Variants in NAALADL2 observed in about 807,000 individuals in gnomAD.
NAALADL2 encodes inactive N-acetylated-alpha-linked acidic dipeptidase-like protein 2.
Under a neutral mutation model 87.2 loss-of-function variants are expected in NAALADL2, and 76 were observed. That is an observed-to-expected ratio of 0.87 (90% CI 0.72 to 1.05). The LOEUF (loss-of-function observed/expected upper bound fraction) is 1.05, where lower values mean the gene tolerates loss of function less well. NAALADL2 is among the 50% of genes least tolerant of loss of function. NAALADL2 has a pLI of 0.00. For missense variants in NAALADL2, 1,089 were observed against 945.8 expected, an observed-to-expected ratio of 1.15 and a Z score of -1.99; for synonymous variants, 354 against 331.0, an observed-to-expected ratio of 1.07 and a Z score of -0.75.
chr3:175,729,574 A>G (rs1054016944), intron 11 of NAALADL2, among the ~76,000 whole-genome samples: 1 of 152,170 alleles, frequency 6.6e-6, no homozygotes, highest in Non-Finnish European at 1.5e-5. Context: ...GCAAACACCA[A>G]TCGGTAACCA....
intron 11 of NAALADL2, 44 bp downstream of exon 11, chr3:175,627,430 C>T (rs926912055): frequency 8.6e-6 from 11 of 1,271,988 alleles, no homozygotes; most frequent in East Asian, 5.1e-5. Context: ...AATATTTGTT[C>T]TTCTTTATTG....
rs150616066 is a variant in NAALADL2, at chr3:174,670,581, A to G, written c.-114-67060A>G. On this transcript the variant is annotated intron_variant, in intron 2 of 3. Coordinates refer to the NAALADL2 transcript ENST00000434257. ...TTGAAAGTCCTCTTTGGTAAGCTCAAGAGGCAAGACAATATTTCTATTTAA... is the reference window on the plus strand; with the variant it reads ...TTGAAAGTCCTCTTTGGTAAGCTCAGGAGGCAAGACAATATTTCTATTTAA... Among the ~76,000 whole-genome samples the G allele has an allele frequency of 3.0e-3, 451 of 152,254 alleles. 2 individuals are homozygous for G. Among genetic ancestry groups the G allele is most frequent in the African/African-American group, 0.01 (433 of 41,564 alleles).
At chr3:175,473,706 C>G (rs1725239044) in intron 9 of NAALADL2, among the ~76,000 whole-genome samples, 1 of 151,674 alleles carries the variant, frequency 6.6e-6, no homozygotes, top group Non-Finnish European at 1.5e-5. Context: ...GAAAACAAAA[C>G]TTTACAGTAA....
intron 3 of NAALADL2, among the ~76,000 whole-genome samples, chr3:174,825,475 T>C (rs954192292): frequency 1.3e-5 from 2 of 152,232 alleles, no homozygotes; most frequent in African/African-American, 4.8e-5. Flanking sequence ...GGATGGAATG[T>C]ATGATTCCTG....
At chr3:174,948,554 AT>A (rs1170508857) in intron 1 of NAALADL2, among the ~76,000 whole-genome samples, 2 of 152,158 alleles carry the variant, frequency 1.3e-5, no homozygotes, top group Admixed American at 1.3e-4. Context: ...TATTGTGACT[AT>A]TACTACTTAA....
chr3:175,403,663 T>C (rs1237878884), intron 5 of NAALADL2, among the ~76,000 whole-genome samples: 2 of 152,176 alleles, frequency 1.3e-5, no homozygotes, highest in Admixed American at 6.6e-5. Flanking sequence ...AAGAAATGTC[T>C]ACTCAAATCA....
intron 4 of NAALADL2, among the ~76,000 whole-genome samples, chr3:175,258,312 C>T (rs56208623): frequency 0.31 from 29,656 of 95,580 alleles, 4,110 homozygotes; most frequent in East Asian, 0.42. Flanking sequence ...TCCGTCCCTC[C>T]GCCCCCACCA....
At chr3:175,297,164 G>T (rs1756491183) in intron 4 of NAALADL2, among the ~76,000 whole-genome samples, 1 of 152,156 alleles carries the variant, frequency 6.6e-6, no homozygotes, top group Admixed American at 6.6e-5. Flanking sequence ...CTTATAGCCT[G>T]CAAGGCCTAA....
chr3:174,824,087 A>G (rs1279236594), intron 3 of NAALADL2, among the ~76,000 whole-genome samples: 1 of 152,174 alleles, frequency 6.6e-6, no homozygotes, highest in East Asian at 1.9e-4. Context: ...TTAAATGTGT[A>G]TTATCTAAGG....
At chr3:175,432,091 T>C (rs1036570557) in intron 5 of NAALADL2, among the ~76,000 whole-genome samples, 2 of 152,044 alleles carry the variant, frequency 1.3e-5, no homozygotes, top group Admixed American at 1.3e-4. Context: ...CTAAAAGAAG[T>C]AGACTCTGAT....
At chr3:174,720,347 T>C (rs1731591466) in intron 2 of NAALADL2, among the ~76,000 whole-genome samples, 1 of 152,162 alleles carries the variant, frequency 6.6e-6, no homozygotes, top group Non-Finnish European at 1.5e-5. Flanking sequence ...ATTAATTAAA[T>C]ATTTCTTAGT....
At chr3:174,707,672 C>T (rs1022205266) in intron 2 of NAALADL2, among the ~76,000 whole-genome samples, 4 of 151,150 alleles carry the variant, frequency 2.6e-5, no homozygotes, top group African/African-American at 4.9e-5. Flanking sequence ...GGAGGTATAG[C>T]ATTAGGAGAT....
chr3:175,568,709 G>A (rs1352112173), intron 9 of NAALADL2, among the ~76,000 whole-genome samples: 1 of 152,136 alleles, frequency 6.6e-6, no homozygotes, highest in African/African-American at 2.4e-5. Context: ...TGTTTCAACT[G>A]CTTCAGTTAA....
chr3:174,657,490 A>G (rs62284715), intron 2 of NAALADL2, among the ~76,000 whole-genome samples: 8,748 of 152,064 alleles, frequency 0.058, 340 homozygotes, highest in Non-Finnish European at 0.088. Flanking sequence ...TGTTTCGGAA[A>G]TTTTATGTTC....
intron 1 of NAALADL2, among the ~76,000 whole-genome samples, chr3:174,444,846 A>ACAGCGAT (rs1714922974): frequency 6.6e-6 from 1 of 152,290 alleles, no homozygotes; most frequent in African/African-American, 2.4e-5. Flanking sequence ...AATGTGAAAA[A>ACAGCGAT]CAGCGATTGG....
At chr3:174,872,356 C>T (rs1256153923) in intron 1 of NAALADL2, among the ~76,000 whole-genome samples, 1 of 152,114 alleles carries the variant, frequency 6.6e-6, no homozygotes, top group Non-Finnish European at 1.5e-5. Flanking sequence ...AAGTAACTTA[C>T]TCAGGATTAT....
rs550343016 is a variant in NAALADL2, at chr3:174,668,494, A to G, written c.-114-69147A>G. 5.2e-3 allele frequency among the ~76,000 whole-genome samples: 794 copies of G among 152,264 alleles called. 6 individuals are homozygous for G. Among genetic ancestry groups the G allele is most frequent in the African/African-American group, 0.016 (685 of 41,534 alleles). On this transcript the variant is annotated intron_variant, in intron 2 of 3. Coordinates refer to the NAALADL2 transcript ENST00000434257. ...GTGCAGGTTAGTTACATATGTATAC[A>G]TGTGCCATGTTGGTGTGCTGCACCC...
upstream of NAALADL2, among the ~76,000 whole-genome samples, chr3:174,858,940 G>A (rs1283522235): frequency 6.6e-6 from 1 of 151,958 alleles, no homozygotes; most frequent in Non-Finnish European, 1.5e-5. Context: ...CTGACTCTGA[G>A]CTGTTCCTTA....
At chr3:175,361,861 C>G (rs1186672884) in intron 5 of NAALADL2, among the ~76,000 whole-genome samples, 2 of 148,028 alleles carry the variant, frequency 1.4e-5, no homozygotes, top group African/African-American at 4.9e-5. Flanking sequence ...TGCAGAAACT[C>G]TTCAGTTTAA....
Sources: gnomAD v4.1 joint callset for allele counts (sites outside exome capture counted in the v4.1 genomes callset) on GRCh38, gnomAD v4.1.1 for gene constraint, MANE v1.5 for transcripts, NCBI Gene and HGNC (gene_info 2026-07-23, HGNC 2026-07-21) for gene names.